Variants in PAPSS2 observed in about 807,000 individuals in gnomAD.
The protein encoded by PAPSS2 is 3'-phosphoadenosine 5'-phosphosulfate synthase 2.
PAPSS2 carries 61 observed loss-of-function variants against 66.5 expected under a neutral mutation model. The observed-to-expected ratio is 0.92, with a 90% CI of 0.75 to 1.14. The LOEUF is 1.14. Ranked by LOEUF, PAPSS2 falls within the 50% of genes most tolerant of loss-of-function variation. The pLI, the probability that PAPSS2 is intolerant of heterozygous loss-of-function variation, is 0.00. For synonymous variants in PAPSS2, 289 were observed against 287.5 expected, an observed-to-expected ratio of 1.01 and a Z score of -0.05; for missense variants, 708 against 789.6, an observed-to-expected ratio of 0.90 and a Z score of 1.24.
intron 11 of PAPSS2, 142 bp downstream of exon 11, chr10:87,743,783 C>T (rs1853903159): frequency 9.9e-7 from 1 of 1,008,516 alleles, no homozygotes; most frequent in Non-Finnish European, 1.5e-6. Flanking sequence ...CTTTATCTAG[C>T]TTAATTATGT....
chr10:87,743,546 CA>C lies in PAPSS2; in HGVS notation c.1397del (p.Gln466ArgfsTer41). The C allele has an allele frequency of 6.2e-7, 1 of 1,614,134 alleles. No individual in the cohort carries two copies. The highest frequency in any genetic ancestry group is 8.5e-7 in the Non-Finnish European group (1 of 1,180,002). ...TGTGCCTCTAGACTGGCGGATGAAG[CA>C]GCACGCGGCTGTGCTCGAGGAAGGG... ...DDVPLDWRMK[Q>X]HAAVLEEGVL... On this transcript the variant is annotated frameshift_variant, in exon 11 of 13. Coordinates refer to ENST00000456849, the MANE Select transcript of PAPSS2 (RefSeq NM_001015880.2). LOFTEE classifies it high-confidence loss of function.
intron 1 of PAPSS2, among the ~76,000 whole-genome samples, chr10:87,693,931 T>G (rs893947350): frequency 6.6e-6 from 1 of 152,238 alleles, no homozygotes; most frequent in African/African-American, 2.4e-5. Context: ...TAAAAGTGAC[T>G]GTAACTAAAG....
intron 9 of PAPSS2, among the ~76,000 whole-genome samples, chr10:87,731,366 C>A (rs1409434505): frequency 6.6e-6 from 1 of 152,224 alleles, no homozygotes; most frequent in East Asian, 1.9e-4. Flanking sequence ...ATTGACAGTG[C>A]ACCTAGTTAC....
rs371468851 is a variant in PAPSS2, at chr10:87,713,994, A to C, written c.382-50A>C. ...AAGTACACAGTGTTTTGTGATTTAGAATTTCACCGTGAAACCTCTTTTTAC... is the reference window on the plus strand; with the variant it reads ...AAGTACACAGTGTTTTGTGATTTAGCATTTCACCGTGAAACCTCTTTTTAC... On this transcript the variant is annotated intron_variant, in intron 3 of 12. Coordinates refer to ENST00000456849, the MANE Select transcript of PAPSS2 (RefSeq NM_001015880.2). The C allele has an allele frequency of 1.4e-5, 23 of 1,605,158 alleles. No individual in the cohort carries two copies. In the African/African-American group the frequency reaches 2.4e-4, roughly 17 times the overall value.
chr10:87,743,264 T>G (rs1005676159), intron 10 of PAPSS2, 109 bp from the exon 11 acceptor site: 54 of 1,095,678 alleles, frequency 4.9e-5, no homozygotes, highest in Admixed American at 6.1e-5. Flanking sequence ...AAAAAGCCAG[T>G]GGATAATGAA....
At chr10:87,717,438 G>C (rs1383873757) in intron 7 of PAPSS2, among the ~76,000 whole-genome samples, 2 of 152,180 alleles carry the variant, frequency 1.3e-5, no homozygotes, top group Non-Finnish European at 2.9e-5. Context: ...CTGAGATCTA[G>C]GACTTCAGGG....
chr10:87,664,960 A>G (rs909687794), intron 1 of PAPSS2, among the ~76,000 whole-genome samples: 2 of 152,186 alleles, frequency 1.3e-5, no homozygotes, highest in African/African-American at 4.8e-5. Flanking sequence ...GAATGAGTAA[A>G]TGGCTAGAGA....
At chr10:87,665,457 C>T (rs181850618) in intron 1 of PAPSS2, among the ~76,000 whole-genome samples, 177 of 152,258 alleles carry the variant, frequency 1.2e-3, no homozygotes, top group Non-Finnish European at 2.0e-3. Context: ...GTGATCTGCC[C>T]GCCTCGGCCT....
At chr10:87,745,808 T>A in intron 12 of PAPSS2, 24 bp from the exon 13 acceptor site, 1 of 1,613,682 alleles carries the variant, frequency 6.2e-7, no homozygotes, top group African/African-American at 1.3e-5. Context: ...CTACACTGAG[T>A]TCTTTGTTGC....
At position 87,660,023 on chromosome 10, in the gene PAPSS2, G is replaced by C. The variant is rs757355532; in HGVS notation, c.27+15G>C. On this transcript the variant is annotated intron_variant, in intron 1 of 12. Transcript: ENST00000456849. ...AGCAAAAGACGGTAGGCTTCCAGGCGCCGGCTTCCCTCCCCGCCACCGCAC... is the reference window on the plus strand; with the variant it reads ...AGCAAAAGACGGTAGGCTTCCAGGCCCCGGCTTCCCTCCCCGCCACCGCAC... 1 of 1,610,258 alleles carries C rather than the reference G, an allele frequency of 6.2e-7. No individual in the cohort carries two copies. The highest frequency in any genetic ancestry group is 1.3e-5 in the African/African-American group (1 of 74,858).
chr10:87,696,319 T>C (rs1853233993), intron 1 of PAPSS2, among the ~76,000 whole-genome samples: 1 of 152,212 alleles, frequency 6.6e-6, no homozygotes, highest in Admixed American at 6.5e-5. Context: ...TTTCTCCTCT[T>C]TTCTATTTCC....
At position 87,715,736 on chromosome 10, in the gene PAPSS2, A is replaced by T. The variant is rs1853524120; in HGVS notation, c.758A>T (p.Asp253Val). Residue 253 changes from aspartate to valine, a missense_variant, in exon 7 of 13, where the codon GAT becomes GTT. Coordinates refer to ENST00000456849, the MANE Select transcript of PAPSS2 (RefSeq NM_001015880.2). Reference sequence around the variant, plus strand: ...ACTACTTTTTGTGTTTTGCAGCTGGATCTCCAGTGGGTCCAGGTTTTGAGC... The same window carrying T: ...ACTACTTTTTGTGTTTTGCAGCTGGTTCTCCAGTGGGTCCAGGTTTTGAGC... Reference protein sequence around the residue: ...TLPSLSITKLDLQWVQVLSEG... With the variant: ...TLPSLSITKLVLQWVQVLSEG... 2 of 1,607,378 alleles carry T rather than the reference A, an allele frequency of 1.2e-6. No individual in the cohort carries two copies. Among genetic ancestry groups the T allele is most frequent in the East Asian group, 4.5e-5 (2 of 44,848 alleles).
intron 7 of PAPSS2, among the ~76,000 whole-genome samples, chr10:87,718,012 C>A (rs1853551995): frequency 6.6e-6 from 1 of 151,880 alleles, no homozygotes; most frequent in Non-Finnish European, 1.5e-5. Context: ...ACTTGCAAAA[C>A]CTGTTGATTT....
At chr10:87,717,458 A>C (rs889519056) in intron 7 of PAPSS2, among the ~76,000 whole-genome samples, 8 of 152,238 alleles carry the variant, frequency 5.3e-5, no homozygotes, top group Non-Finnish European at 8.8e-5. Flanking sequence ...GTGGGCTAAC[A>C]AAAAATCTTA....
At chr10:87,689,667 C>CAAAAA (rs536306316) in intron 1 of PAPSS2, among the ~76,000 whole-genome samples, 50 of 74,488 alleles carry the variant, frequency 6.7e-4, no homozygotes, top group Non-Finnish European at 1.1e-3. Flanking sequence ...AACCTTGTCT[C>CAAAAA]AAAAAAAAAA....
At chr10:87,680,614 A>G (rs967999862) in intron 1 of PAPSS2, among the ~76,000 whole-genome samples, 2 of 149,998 alleles carry the variant, frequency 1.3e-5, no homozygotes, top group African/African-American at 4.9e-5. Flanking sequence ...TATAAAGTCC[A>G]TACAGAAAAA....
intron 9 of PAPSS2, among the ~76,000 whole-genome samples, chr10:87,740,270 G>A (rs1251632756): frequency 2.3e-5 from 3 of 133,138 alleles, no homozygotes; most frequent in African/African-American, 9.8e-5. Context: ...TTTTTGATGA[G>A]ACTAGTAGTG....
intron 1 of PAPSS2, among the ~76,000 whole-genome samples, chr10:87,680,026 C>A (rs1260894165): frequency 4.5e-4 from 57 of 126,690 alleles, no homozygotes; most frequent in East Asian, 4.7e-4. Flanking sequence ...GAACCTATCT[C>A]AAAAAAAAAA....
Position 87,670,430 on chromosome 10 carries a change from A to G in PAPSS2, c.27+10422A>G, listed in dbSNP as rs150475354. On this transcript the variant is annotated intron_variant, in intron 1 of 12. Coordinates refer to ENST00000456849, the MANE Select transcript of PAPSS2 (RefSeq NM_001015880.2). ...AAAAGGTATGTTCCTTGGTGTTTGG[A>G]AGAAAAATTAGGGAGCGTTGTCTCC... 1.1e-3 allele frequency among the ~76,000 whole-genome samples: 161 copies of G among 152,310 alleles called. 4 individuals are homozygous for G. The East Asian group carries it at 0.028, about 26-fold the overall frequency.
Sources: allele counts gnomAD v4.1 joint callset (sites outside exome capture counted in the v4.1 genomes callset), GRCh38; gene constraint gnomAD v4.1.1; transcripts MANE v1.5; gene names NCBI Gene and HGNC (gene_info 2026-07-23, HGNC 2026-07-21).